CRTAC1: variants seen among roughly 807,000 people sequenced by gnomAD.
The protein encoded by CRTAC1 is cartilage acidic protein 1.
A neutral mutation model predicts 67.8 loss-of-function variants in CRTAC1; 37 were observed. That is an observed-to-expected ratio of 0.55 (90% CI 0.42 to 0.72). CRTAC1 has a LOEUF of 0.72. Ranked by LOEUF, CRTAC1 falls within the 30% of genes least tolerant of loss-of-function variation. The pLI is 0.00. For synonymous variants in CRTAC1, 348 were observed against 371.0 expected, an observed-to-expected ratio of 0.94 and a Z score of 0.71; for missense variants, 780 against 931.6, an observed-to-expected ratio of 0.84 and a Z score of 2.12.
At chr10:97,940,669 T>C (rs2051158886) in intron 2 of CRTAC1, among the ~76,000 whole-genome samples, 1 of 151,984 alleles carries the variant, frequency 6.6e-6, no homozygotes, top group African/African-American at 2.4e-5. Flanking sequence ...GGGGGTGGGG[T>C]CCTGGCCCTG....
In CRTAC1 at chr10:98,029,482, A is replaced by AGCG. The variant is rs2136714758; in HGVS notation, c.24+966_24+967insCGC. ...AGAAGCCACACTGGGTGCACCCACCAGCAGCAGCAGCGGCGGCGGCGGCGG... is the reference window on the plus strand; with the variant it reads ...AGAAGCCACACTGGGTGCACCCACCAGCGGCAGCAGCAGCGGCGGCGGCGGCGG... On this transcript the variant is annotated intron_variant, in intron 1 of 14. Coordinates refer to ENST00000370597, the MANE Select transcript of CRTAC1 (RefSeq NM_018058.7). The surrounding 1 kb of genome is among the most constrained non-coding windows in gnomAD (Gnocchi z 4.7). Among the ~76,000 whole-genome samples, 1 of 130,720 alleles carries AGCG rather than the reference A, an allele frequency of 7.6e-6. No homozygotes were observed. The highest frequency in any genetic ancestry group is 2.3e-4 in the South Asian group (1 of 4,310). The allele number at this position is 130,720 out of a possible 152,430, so 85.8% of individuals were successfully genotyped here. A position where few individuals can be genotyped will look rare whatever the true frequency, so the allele number is the denominator to read the frequency against.
At chr10:97,890,090 TACAC>T (rs56001448) in intron 11 of CRTAC1, among the ~76,000 whole-genome samples, 78,959 of 150,332 alleles carry the variant, frequency 0.53, 20,875 homozygotes, top group East Asian at 0.82. Context: ...CCAGGATGTG[TACAC>T]ACACACACAC....
At chr10:97,893,556 T>G (rs2050408676) in intron 11 of CRTAC1, among the ~76,000 whole-genome samples, 1 of 152,204 alleles carries the variant, frequency 6.6e-6, no homozygotes, top group Non-Finnish European at 1.5e-5. Flanking sequence ...CCCCATACAT[T>G]TATTTTAAAA....
intron 2 of CRTAC1, among the ~76,000 whole-genome samples, chr10:97,970,188 T>C (rs915875860): frequency 6.6e-6 from 1 of 152,112 alleles, no homozygotes; most frequent in Non-Finnish European, 1.5e-5. Flanking sequence ...CCTTACAATA[T>C]ATTAATACAC....
At chr10:97,967,000 C>A (rs78529945) in intron 2 of CRTAC1, among the ~76,000 whole-genome samples, 19 of 149,696 alleles carry the variant, frequency 1.3e-4, no homozygotes, top group Admixed American at 3.4e-4. Flanking sequence ...GTCACCCCCC[C>A]CCCCCCGACA....
chr10:97,883,726 G>T (rs1184432368), intron 12 of CRTAC1, among the ~76,000 whole-genome samples: 1 of 152,208 alleles, frequency 6.6e-6, no homozygotes, highest in Non-Finnish European at 1.5e-5. Flanking sequence ...CCCCATCAGA[G>T]TTGGAACGAC....
At chr10:97,881,361 C>T (rs910867363) in intron 13 of CRTAC1, among the ~76,000 whole-genome samples, 7 of 152,226 alleles carry the variant, frequency 4.6e-5, no homozygotes, top group African/African-American at 1.7e-4. Flanking sequence ...TCCTTCAGGT[C>T]TCAGCTCAGA....
At chr10:98,003,540 A>C (rs1019482776) in intron 2 of CRTAC1, among the ~76,000 whole-genome samples, 5 of 152,082 alleles carry the variant, frequency 3.3e-5, no homozygotes, top group African/African-American at 1.2e-4. Flanking sequence ...ACACAGAATC[A>C]CTCTGACTTC....
At chr10:97,972,778 T>C (rs1174461148) in intron 2 of CRTAC1, among the ~76,000 whole-genome samples, 3 of 152,320 alleles carry the variant, frequency 2.0e-5, no homozygotes, top group Non-Finnish European at 2.9e-5. Flanking sequence ...TGGGGAATTA[T>C]TGTGGCATAA....
chr10:97,874,757 G>A (rs568227966), intron 14 of CRTAC1, among the ~76,000 whole-genome samples: 1 of 152,240 alleles, frequency 6.6e-6, no homozygotes, highest in East Asian at 1.9e-4. Flanking sequence ...GAGGTTCAAA[G>A]ACACCTTACC....
intron 4 of CRTAC1, among the ~76,000 whole-genome samples, chr10:97,919,875 G>C (rs1311145120): frequency 1.4e-5 from 2 of 146,984 alleles, no homozygotes; most frequent in Non-Finnish European, 3.0e-5. Flanking sequence ...AAGTAGCTGG[G>C]ACTACAGGTG....
At chr10:97,922,435 G>A (rs1275720114) in intron 4 of CRTAC1, among the ~76,000 whole-genome samples, 1 of 152,222 alleles carries the variant, frequency 6.6e-6, no homozygotes, top group Non-Finnish European at 1.5e-5. Context: ...CCCCAGAATG[G>A]GGGCCATAGA....
intron 2 of CRTAC1, among the ~76,000 whole-genome samples, chr10:97,997,285 T>G (rs950114980): frequency 1.5e-5 from 2 of 129,040 alleles, no homozygotes; most frequent in Non-Finnish European, 3.3e-5. Context: ...AATAAAATAG[T>G]CAAATACAAA....
At chr10:97,892,431 T>C (rs2050389559) in intron 11 of CRTAC1, among the ~76,000 whole-genome samples, 1 of 152,160 alleles carries the variant, frequency 6.6e-6, no homozygotes, top group Non-Finnish European at 1.5e-5. Context: ...ACCGTGGTGG[T>C]CACCTTGGTG....
chr10:97,905,870 G>A (rs1391613950), intron 6 of CRTAC1, among the ~76,000 whole-genome samples: 1 of 151,970 alleles, frequency 6.6e-6, no homozygotes, highest in African/African-American at 2.4e-5. Flanking sequence ...AGTGGGTGCT[G>A]GGGGAGGAGA....
At chr10:97,940,912 G>A (rs947748500) in intron 2 of CRTAC1, among the ~76,000 whole-genome samples, 1 of 152,164 alleles carries the variant, frequency 6.6e-6, no homozygotes, top group Non-Finnish European at 1.5e-5. Context: ...TGATCATGTT[G>A]ATATTTCCAA....
chr10:98,014,793 G>GA (rs1378631025), intron 1 of CRTAC1, among the ~76,000 whole-genome samples: 1 of 152,098 alleles, frequency 6.6e-6, no homozygotes, highest in African/African-American at 2.4e-5. Context: ...AACAAAAACA[G>GA]AAAAAAAGTG....
Position 97,896,883 on chromosome 10 carries a change from G to T in CRTAC1, c.1216+26C>A, listed in dbSNP as rs1489092990. On this transcript the variant is annotated intron_variant, in intron 9 of 14. Coordinates refer to ENST00000370597, the MANE Select transcript of CRTAC1 (RefSeq NM_018058.7). The stretch of plus-strand genomic sequence containing the variant: ...TGAACAGTGCTAAGGGGGCAGTGCA[G>T]GCCAGATCCCCCAGGTGCCCCTCAC... The T allele has an allele frequency of 4.5e-6, 6 of 1,330,912 alleles. No individual in the cohort carries two copies. The South Asian group carries it at 6.3e-5, about 14-fold the overall frequency. 82.4% of individuals were successfully genotyped at this position (1,330,912 alleles called of 1,614,324 possible). A position where few individuals can be genotyped will look rare whatever the true frequency, so the allele number is the denominator to read the frequency against.
chr10:98,018,461 T>TCTTTGACA (rs1042969022), intron 1 of CRTAC1, among the ~76,000 whole-genome samples: 3 of 152,068 alleles, frequency 2.0e-5, no homozygotes, highest in African/African-American at 7.2e-5. Context: ...ACGTTCCCCT[T>TCTTTGACA]CTTTGACATA....
Sources: allele counts gnomAD v4.1 joint callset (sites outside exome capture counted in the v4.1 genomes callset), GRCh38; gene constraint gnomAD v4.1.1; non-coding constraint Gnocchi (gnomAD v3.1); transcripts MANE v1.5; gene names NCBI Gene and HGNC (gene_info 2026-07-23, HGNC 2026-07-21).